SYNPO2: variants seen among roughly 807,000 people sequenced by gnomAD.
SYNPO2 encodes the protein synaptopodin-2.
SYNPO2 carries 56 observed loss-of-function variants against 85.0 expected under a neutral mutation model. That is an observed-to-expected ratio of 0.66 (90% CI 0.53 to 0.82). The LOEUF (loss-of-function observed/expected upper bound fraction) is 0.82. SYNPO2 is among the 40% of genes least tolerant of loss of function. The pLI, the probability that SYNPO2 is intolerant of heterozygous loss-of-function variation, is 0.00. For missense variants in SYNPO2, 1,575 were observed against 1,534.2 expected (o/e 1.03, Z -0.44); for synonymous variants, 602 against 591.1 (o/e 1.02, Z -0.27).
chr4:118,900,699 CTCTCTATATATATATA>C (rs1420643220), intron 1 of SYNPO2, among the ~76,000 whole-genome samples: 1,045 of 29,168 alleles, frequency 0.036, 8 homozygotes, highest in Non-Finnish European at 0.069. Flanking sequence ...CTCTCTCTCT[CTCTCTATATATATATA>C]TATATATATA....
intron 1 of SYNPO2, among the ~76,000 whole-genome samples, chr4:118,853,109 T>G (rs1242393750): frequency 6.6e-6 from 1 of 152,212 alleles, no homozygotes; most frequent in East Asian, 1.9e-4. Flanking sequence ...AGAGGATCAC[T>G]TCGTTAATTT....
chr4:118,892,422 A>G (rs985571810), intron 1 of SYNPO2, among the ~76,000 whole-genome samples: 6 of 152,198 alleles, frequency 3.9e-5, no homozygotes, highest in African/African-American at 1.4e-4. Context: ...TCAAGAGATT[A>G]TAAACAGAAA....
chr4:118,879,281 C>G (rs1298539294), intron 1 of SYNPO2, among the ~76,000 whole-genome samples: 2 of 152,208 alleles, frequency 1.3e-5, no homozygotes, highest in African/African-American at 2.4e-5. Context: ...ATTCTGAACA[C>G]AGAAGTGCCA....
chr4:118,968,781 G>C (rs1174069252), intron 1 of SYNPO2, among the ~76,000 whole-genome samples: 1 of 152,188 alleles, frequency 6.6e-6, no homozygotes, highest in Non-Finnish European at 1.5e-5. Context: ...TAACTCCCTT[G>C]TGGAGGCCTC....
At chr4:119,000,121 C>A (rs1736771221) in intron 1 of SYNPO2, among the ~76,000 whole-genome samples, 1 of 152,214 alleles carries the variant, frequency 6.6e-6, no homozygotes, top group African/African-American at 2.4e-5. Context: ...GAGCCACTCT[C>A]TCTGTTGCAA....
intron 1 of SYNPO2, among the ~76,000 whole-genome samples, chr4:118,911,429 C>T (rs919429273): frequency 2.6e-5 from 4 of 152,108 alleles, no homozygotes; most frequent in Non-Finnish European, 4.4e-5. Context: ...CTTTGCTTTC[C>T]CCGATTCACC....
intron 1 of SYNPO2, among the ~76,000 whole-genome samples, chr4:118,879,639 C>G (rs1732034319): frequency 3.3e-5 from 5 of 152,148 alleles, no homozygotes; most frequent in Non-Finnish European, 5.9e-5. Flanking sequence ...GTTTAAATCG[C>G]CCAGCGTATG....
intron 1 of SYNPO2, among the ~76,000 whole-genome samples, chr4:119,022,125 C>G (rs147161545): frequency 0.021 from 3,248 of 152,170 alleles, 43 homozygotes; most frequent in South Asian, 0.036. Context: ...TATCCAGGCT[C>G]CCTGGTGCCC....
At chr4:119,053,151 T>C (rs571841563) in intron 4 of SYNPO2, among the ~76,000 whole-genome samples, 1 of 152,282 alleles carries the variant, frequency 6.6e-6, no homozygotes, top group South Asian at 2.1e-4. Flanking sequence ...CATGGCTTCA[T>C]TCAGCCAGCC....
intron 1 of SYNPO2, among the ~76,000 whole-genome samples, chr4:118,977,208 T>C (rs55841123): frequency 0.36 from 54,710 of 152,100 alleles, 9,976 homozygotes; most frequent in South Asian, 0.46. Flanking sequence ...GGAAGGCAGC[T>C]AAGGCCCGGG....
At chr4:118,976,685 G>A (rs908884006) in intron 1 of SYNPO2, among the ~76,000 whole-genome samples, 2 of 152,152 alleles carry the variant, frequency 1.3e-5, no homozygotes, top group African/African-American at 4.8e-5. Flanking sequence ...CCCCACCAGA[G>A]CAGCTAGATA....
intron 1 of SYNPO2, among the ~76,000 whole-genome samples, chr4:118,890,891 T>G (rs976896536): frequency 2.0e-5 from 3 of 152,134 alleles, no homozygotes; most frequent in African/African-American, 7.2e-5. Context: ...ATCGCTTGCC[T>G]ACTAATTGAA....
intron 1 of SYNPO2, among the ~76,000 whole-genome samples, chr4:118,986,446 G>A (rs1210015310): frequency 6.6e-6 from 1 of 152,108 alleles, no homozygotes. Flanking sequence ...ATGTTCTTTG[G>A]GTTAGGTCAC....
intron 1 of SYNPO2, among the ~76,000 whole-genome samples, chr4:118,978,516 G>A (rs954576449): frequency 2.6e-5 from 4 of 152,096 alleles, no homozygotes; most frequent in Admixed American, 2.6e-4. Flanking sequence ...CTCGTCACCA[G>A]TTGGCTTATG....
chr4:118,926,932 C>T (rs995248637), intron 1 of SYNPO2, among the ~76,000 whole-genome samples: 3 of 152,110 alleles, frequency 2.0e-5, no homozygotes, highest in Non-Finnish European at 4.4e-5. Flanking sequence ...ATGCGGGATG[C>T]CACTTGGTTA....
At chr4:119,012,375 C>CTTTTTTTTTTTTTTTT (rs10651853) in intron 1 of SYNPO2, among the ~76,000 whole-genome samples, 8 of 109,766 alleles carry the variant, frequency 7.3e-5, no homozygotes, top group Non-Finnish European at 9.3e-5. Flanking sequence ...TCCCCCTTTT[C>CTTTTTTTTTTTTTTTT]TTTTTTTTTT....
intron 1 of SYNPO2, among the ~76,000 whole-genome samples, chr4:118,899,773 G>A (rs1021391563): frequency 1.3e-5 from 2 of 151,914 alleles, no homozygotes; most frequent in African/African-American, 4.8e-5. Context: ...GTTTTGTTTT[G>A]TTTTTGAGAC....
chr4:118,895,323 A>G (rs1049024169), intron 1 of SYNPO2, among the ~76,000 whole-genome samples: 1 of 152,164 alleles, frequency 6.6e-6, no homozygotes, highest in Admixed American at 6.5e-5. Flanking sequence ...TCCATGGTTG[A>G]GGGAAGGAGG....
At chr4:118,880,389 G>A (rs1732060437) in intron 1 of SYNPO2, among the ~76,000 whole-genome samples, 1 of 152,088 alleles carries the variant, frequency 6.6e-6, no homozygotes. Flanking sequence ...CTGATTTTGG[G>A]GGGTATAATT....
Sources: allele counts gnomAD v4.1 joint callset (sites outside exome capture counted in the v4.1 genomes callset), GRCh38; gene constraint gnomAD v4.1.1; transcripts MANE v1.5; gene names NCBI Gene and HGNC (gene_info 2026-07-23, HGNC 2026-07-21).